Variants in ELMO1 observed in about 807,000 individuals in gnomAD.
ELMO1 encodes engulfment and cell motility protein 1.
In ELMO1, 26 loss-of-function variants were observed where a neutral mutation model predicts 98.9. That is an observed-to-expected ratio of 0.26 (90% CI 0.19 to 0.36). The LOEUF (loss-of-function observed/expected upper bound fraction) is 0.36. Among genes scored for constraint, ELMO1 ranks in the 10% least tolerant of loss-of-function variants. The pLI is 1.00. For synonymous variants in ELMO1, 346 were observed against 346.0 expected (o/e 1.00, Z 0.00); for missense variants, 627 against 935.2 (o/e 0.67, Z 4.30).
chr7:37,349,581 G>A (rs1337503436), intron 1 of ELMO1, among the ~76,000 whole-genome samples: 2 of 152,136 alleles, frequency 1.3e-5, no homozygotes, highest in Admixed American at 6.5e-5. Context: ...AGCCTCCCGA[G>A]TAGTTGGGAT....
chr7:37,179,279 C>CTT (rs67076734), intron 13 of ELMO1, among the ~76,000 whole-genome samples: 10,334 of 135,294 alleles, frequency 0.076, 720 homozygotes, highest in African/African-American at 0.14. Flanking sequence ...GCATATAGCT[C>CTT]TTTTTTTTTT....
chr7:36,896,833 G>T (rs1033195957), intron 16 of ELMO1, among the ~76,000 whole-genome samples: 1 of 152,198 alleles, frequency 6.6e-6, no homozygotes, highest in African/African-American at 2.4e-5. Flanking sequence ...CACCATAGGG[G>T]TGCTGCTTTG....
At chr7:37,382,486 A>G (rs1376595402) in intron 1 of ELMO1, among the ~76,000 whole-genome samples, 1 of 152,202 alleles carries the variant, frequency 6.6e-6, no homozygotes, top group Non-Finnish European at 1.5e-5. Context: ...AAGCAGAAAC[A>G]GGACATGCTC....
chr7:37,324,129 T>C (rs1799668257), intron 2 of ELMO1, among the ~76,000 whole-genome samples: 1 of 152,166 alleles, frequency 6.6e-6, no homozygotes, highest in Non-Finnish European at 1.5e-5. Context: ...CCGCCTCTGA[T>C]GAGCACTGGC....
chr7:37,119,760 C>T (rs1194064938), intron 14 of ELMO1, among the ~76,000 whole-genome samples: 1 of 152,176 alleles, frequency 6.6e-6, no homozygotes, highest in Non-Finnish European at 1.5e-5. Flanking sequence ...TGTCTCACAA[C>T]TGCACGAAAA....
intron 2 of ELMO1, among the ~76,000 whole-genome samples, chr7:37,326,272 G>A (rs1799799020): frequency 6.6e-6 from 1 of 152,046 alleles, no homozygotes; most frequent in African/African-American, 2.4e-5. Flanking sequence ...ACTGAAAGAT[G>A]GGCCAGGCAC....
intron 14 of ELMO1, among the ~76,000 whole-genome samples, chr7:37,104,715 A>G (rs1360926550): frequency 6.6e-6 from 1 of 152,232 alleles, no homozygotes; most frequent in Non-Finnish European, 1.5e-5. Context: ...GAAATGACCA[A>G]GTTAAGAATG....
chr7:37,280,598 A>G (rs1021027324), intron 4 of ELMO1, among the ~76,000 whole-genome samples: 2 of 152,246 alleles, frequency 1.3e-5, no homozygotes, highest in African/African-American at 4.8e-5. Context: ...ATATGAAAAA[A>G]TGCTCAACAT....
At chr7:37,402,674 CAATT>C (rs1321216778) in intron 1 of ELMO1, among the ~76,000 whole-genome samples, 1 of 152,178 alleles carries the variant, frequency 6.6e-6, no homozygotes, top group Non-Finnish European at 1.5e-5. Flanking sequence ...GTTAAGTAAA[CAATT>C]AATATCCTTA....
chr7:37,283,971 C>A (rs961517346), intron 4 of ELMO1, among the ~76,000 whole-genome samples: 2 of 152,180 alleles, frequency 1.3e-5, no homozygotes, highest in African/African-American at 4.8e-5. Flanking sequence ...AGCTTCTTTT[C>A]TGCAACTGCT....
chr7:37,267,031 GTA>G (rs1163366382), intron 5 of ELMO1, among the ~76,000 whole-genome samples: 6 of 26,598 alleles, frequency 2.3e-4, no homozygotes, highest in African/African-American at 8.8e-4. Flanking sequence ...AAAAAAATAT[GTA>G]TATATACACA....
intron 6 of ELMO1, among the ~76,000 whole-genome samples, chr7:37,250,745 T>C (rs979284743): frequency 1.3e-5 from 2 of 148,820 alleles, no homozygotes; most frequent in Admixed American, 6.7e-5. Flanking sequence ...TGAGCCAAGA[T>C]TGCGCCATTG....
chr7:37,158,572 A>G (rs1359635951), intron 13 of ELMO1, among the ~76,000 whole-genome samples: 1 of 152,258 alleles, frequency 6.6e-6, no homozygotes, highest in African/African-American at 2.4e-5. Context: ...ATCACTGACC[A>G]TCAGAGAAAT....
chr7:36,909,531 C>T (rs902406851), intron 16 of ELMO1, among the ~76,000 whole-genome samples: 3 of 152,222 alleles, frequency 2.0e-5, no homozygotes, highest in Admixed American at 6.5e-5. Context: ...AGGGGACATG[C>T]GCCATTGAAC....
chr7:37,015,323 G>T (rs1040758426), intron 15 of ELMO1, among the ~76,000 whole-genome samples: 3 of 152,138 alleles, frequency 2.0e-5, no homozygotes, highest in African/African-American at 7.2e-5. Flanking sequence ...GGAGGGCTGG[G>T]CACAGTGGCT....
At chr7:37,424,616 G>A (rs1269419607) in intron 1 of ELMO1, among the ~76,000 whole-genome samples, 2 of 152,168 alleles carry the variant, frequency 1.3e-5, no homozygotes, top group Admixed American at 1.3e-4. Context: ...TCAAAATATG[G>A]TTGTGATCTG....
intron 5 of ELMO1, among the ~76,000 whole-genome samples, chr7:37,264,168 G>A (rs1796127812): frequency 6.6e-6 from 1 of 152,202 alleles, no homozygotes; most frequent in Non-Finnish European, 1.5e-5. Context: ...AATATGCGCA[G>A]TGGAGTGTGT....
intron 16 of ELMO1, among the ~76,000 whole-genome samples, chr7:36,946,945 TTTAA>T (rs1349491054): frequency 9.8e-5 from 15 of 152,372 alleles, no homozygotes; most frequent in African/African-American, 3.6e-4. Context: ...TAATTTATTT[TTTAA>T]TTGTCAATTT....
chr7:37,270,925 ACT>A (rs1322134161), intron 5 of ELMO1: 99 of 149,228 alleles, frequency 6.6e-4, no homozygotes, highest in African/African-American at 2.3e-3. Context: ...ACACACACAC[ACT>A]GACTTTTTCT....
Sources: gnomAD v4.1 joint callset for allele counts (sites outside exome capture counted in the v4.1 genomes callset) on GRCh38, gnomAD v4.1.1 for gene constraint, MANE v1.5 for transcripts, NCBI Gene and HGNC (gene_info 2026-07-23, HGNC 2026-07-21) for gene names.